ANXA10: variants seen among roughly 807,000 people sequenced by gnomAD.
The protein encoded by ANXA10 is annexin A10.
In ANXA10, 49 loss-of-function variants were observed where a neutral mutation model predicts 53.5. The ratio of observed to expected loss-of-function variants is 0.92; its 90% CI spans 0.73 to 1.16. The LOEUF (loss-of-function observed/expected upper bound fraction) is 1.16. Ranked by LOEUF, ANXA10 falls within the 50% of genes most tolerant of loss-of-function variation. The pLI is 0.00. For missense variants in ANXA10, 393 were observed against 394.4 expected (o/e 1.00, Z 0.03); for synonymous variants, 131 against 128.9 (o/e 1.02, Z -0.11).
chr4:168,167,504 G>A (rs1048015294), intron 6 of ANXA10, among the ~76,000 whole-genome samples: 6 of 152,292 alleles, frequency 3.9e-5, no homozygotes, highest in East Asian at 1.9e-4. Context: ...TTATCAGGAC[G>A]TAACCCCATC....
chr4:168,116,271 A>G (rs1289825304), intron 1 of ANXA10, among the ~76,000 whole-genome samples: 1 of 152,232 alleles, frequency 6.6e-6, no homozygotes, highest in African/African-American at 2.4e-5. Context: ...TGAATCTAAG[A>G]AATCACTATT....
chr4:168,138,957 T>C (rs925132092), intron 2 of ANXA10, among the ~76,000 whole-genome samples: 1 of 152,226 alleles, frequency 6.6e-6, no homozygotes, highest in Non-Finnish European at 1.5e-5. Flanking sequence ...TCCTGAAACT[T>C]TACTGAAGTC....
At chr4:168,174,662 C>T (rs984164608) in intron 6 of ANXA10, among the ~76,000 whole-genome samples, 3 of 152,182 alleles carry the variant, frequency 2.0e-5, no homozygotes, top group African/African-American at 7.2e-5. Flanking sequence ...AATCCTGTGT[C>T]ATTTTGAAGG....
intron 6 of ANXA10, 106 bp from the exon 7 acceptor site, chr4:168,177,634 T>C: frequency 9.2e-7 from 1 of 1,089,766 alleles, no homozygotes; most frequent in Non-Finnish European, 1.4e-6. Flanking sequence ...ATAAAAGAAG[T>C]TCCTTAGGAA....
intron 2 of ANXA10, among the ~76,000 whole-genome samples, chr4:168,132,033 C>A (rs376345414): frequency 2.0e-5 from 3 of 151,834 alleles, no homozygotes; most frequent in African/African-American, 7.3e-5. Context: ...TGGGAATGTA[C>A]GTTAGTACCA....
intron 2 of ANXA10, among the ~76,000 whole-genome samples, chr4:168,129,393 T>C (rs976859261): frequency 6.6e-6 from 1 of 152,108 alleles, no homozygotes; most frequent in Non-Finnish European, 1.5e-5. Flanking sequence ...AAACTATGGG[T>C]CACAGCAATC....
chr4:168,118,369 A>G (rs1730931449), intron 1 of ANXA10, among the ~76,000 whole-genome samples: 1 of 152,148 alleles, frequency 6.6e-6, no homozygotes, highest in Non-Finnish European at 1.5e-5. Context: ...TGTCCCAACC[A>G]TGTATTTTCT....
chr4:168,155,799 ATAATAT>A (rs1731625373), intron 3 of ANXA10, among the ~76,000 whole-genome samples: 2 of 23,702 alleles, frequency 8.4e-5, no homozygotes, highest in Non-Finnish European at 1.4e-4. Flanking sequence ...TATATAATAT[ATAATAT>A]ATGATATATT....
chr4:168,126,519 A>G (rs564582886), intron 1 of ANXA10, among the ~76,000 whole-genome samples: 1 of 152,270 alleles, frequency 6.6e-6, no homozygotes, highest in African/African-American at 2.4e-5. Context: ...TGCATCTCAT[A>G]TACAATCAGC....
At chr4:168,178,746 TA>T (rs1732182701) in intron 8 of ANXA10, among the ~76,000 whole-genome samples, 1 of 152,198 alleles carries the variant, frequency 6.6e-6, no homozygotes, top group African/African-American at 2.4e-5. Flanking sequence ...AACCCTAGTC[TA>T]CACCCAAAAA....
intron 6 of ANXA10, among the ~76,000 whole-genome samples, chr4:168,176,873 G>A (rs536900885): frequency 2.6e-4 from 39 of 152,094 alleles, no homozygotes; most frequent in African/African-American, 6.7e-4. Context: ...AGTGGCACAC[G>A]CCTGCAGTCC....
chr4:168,168,998 A>G (rs192772949), intron 6 of ANXA10, among the ~76,000 whole-genome samples: 143 of 152,302 alleles, frequency 9.4e-4, no homozygotes, highest in Middle Eastern at 3.4e-3. Flanking sequence ...AAATCATCCT[A>G]TTCTGAGGAT....
intron 1 of ANXA10, among the ~76,000 whole-genome samples, chr4:168,104,895 C>A (rs926534590): frequency 6.6e-6 from 1 of 151,480 alleles, no homozygotes; most frequent in East Asian, 1.9e-4. Flanking sequence ...TCTATTATTT[C>A]TCTAATTTCT....
At chr4:168,119,058 T>C (rs1730944628) in intron 1 of ANXA10, among the ~76,000 whole-genome samples, 1 of 152,196 alleles carries the variant, frequency 6.6e-6, no homozygotes, top group Non-Finnish European at 1.5e-5. Context: ...TCTACATGAT[T>C]TTTATTTAGT....
Position 168,128,069 on chromosome 4 carries a change from T to G in ANXA10, c.19-15T>G. ...TGAATTATTACAATCACTTTCTCATTGATTTTCCCACCAGGTGCAAGGAAC... is the reference window on the plus strand; with the variant it reads ...TGAATTATTACAATCACTTTCTCATGGATTTTCCCACCAGGTGCAAGGAAC... On this transcript the variant is annotated splice_polypyrimidine_tract_variant and intron_variant, in intron 1 of 11. Coordinates refer to ENST00000359299, the MANE Select transcript of ANXA10 (RefSeq NM_007193.5). The G allele has an allele frequency of 6.2e-7, 1 of 1,604,328 alleles. No individual in the cohort carries two copies. Among genetic ancestry groups the G allele is most frequent in the Non-Finnish European group, 8.5e-7 (1 of 1,171,530 alleles).
intron 1 of ANXA10, among the ~76,000 whole-genome samples, chr4:168,101,134 TGA>T (rs1730631981): frequency 6.6e-6 from 1 of 152,026 alleles, no homozygotes. Context: ...GCTGTTCTCA[TGA>T]GAGTGAGTTC....
chr4:168,106,506 G>C (rs1019075307), intron 1 of ANXA10, among the ~76,000 whole-genome samples: 1 of 151,976 alleles, frequency 6.6e-6, no homozygotes, highest in African/African-American at 2.4e-5. Flanking sequence ...AAGAGAAATA[G>C]AATGAATGAT....
At chr4:168,171,857 G>A (rs961062000) in intron 6 of ANXA10, among the ~76,000 whole-genome samples, 2 of 152,144 alleles carry the variant, frequency 1.3e-5, no homozygotes, top group African/African-American at 4.8e-5. Flanking sequence ...CACTGGAGAT[G>A]ATAAACGTTT....
rs1299810771 is a variant in ANXA10 at position 168,177,955 on chromosome 4, CA to C, written c.602del (p.Asn201ThrfsTer23). On this transcript the variant is annotated frameshift_variant, in exon 8 of 12. Transcript: ENST00000359299. LOFTEE classifies it high-confidence loss of function. ...AAACCATGCTGCAAATGATCCTGTG[CA>C]ACAAGAGCTACCAGCAGCTGCGGCT... is the stretch of plus-strand genomic sequence containing the variant. ...HKTMLQMILC[N>X]KSYQQLRLVF... 1 of 1,613,766 alleles carries C rather than the reference CA, an allele frequency of 6.2e-7. No homozygotes were observed. Among genetic ancestry groups the C allele is most frequent in the South Asian group, 1.1e-5 (1 of 91,052 alleles).
Sources: allele counts gnomAD v4.1 joint callset (sites outside exome capture counted in the v4.1 genomes callset), GRCh38; gene constraint gnomAD v4.1.1; transcripts MANE v1.5; gene names NCBI Gene and HGNC (gene_info 2026-07-23, HGNC 2026-07-21).